Variants in WDR89 observed in about 807,000 individuals in gnomAD.
WDR89 encodes WD repeat-containing protein 89.
Under a neutral mutation model 29.1 loss-of-function variants are expected in WDR89, and 17 were observed. The ratio of observed to expected loss-of-function variants is 0.58; its 90% CI spans 0.40 to 0.88. The LOEUF (loss-of-function observed/expected upper bound fraction) is 0.88. Among genes scored for constraint, WDR89 ranks in the 40% least tolerant of loss-of-function variants. The probability of loss-of-function intolerance (pLI) is 0.00; values close to 1 mark genes in which losing one functional copy is unlikely to be tolerated. For missense variants in WDR89, 396 were observed against 456.3 expected, an observed-to-expected ratio of 0.87 and a Z score of 1.20; for synonymous variants, 138 against 157.8, an observed-to-expected ratio of 0.87 and a Z score of 0.94.
In WDR89 at chr14:63,597,341, G is replaced by C. The variant is rs571906295; in HGVS notation, c.*1438C>G. On this transcript the variant is annotated 3_prime_UTR_variant, in exon 3 of 3. Coordinates refer to ENST00000620954, the MANE Select transcript of WDR89 (RefSeq NM_080666.4). ...GGGATTACAATTCGAGATGAAATTT[G>C]GGTGAGGACACAGACAAACCATACC... The C allele has an allele frequency of 6.6e-6, 1 of 152,282 alleles. No homozygotes were observed. Among genetic ancestry groups the C allele is most frequent in the Admixed American group, 6.5e-5 (1 of 15,290 alleles). The allele number at this position is 152,282 out of a possible 1,614,324, so 9.4% of individuals were successfully genotyped here.
chr14:63,624,287 C>T lies in WDR89; in HGVS notation c.-32+641G>A, dbSNP rs1205969701. Among the ~76,000 whole-genome samples, 3 of 151,796 alleles carry T rather than the reference C, an allele frequency of 2.0e-5. No individual in the cohort carries two copies. In the South Asian group the frequency reaches 6.2e-4, roughly 32 times the overall value. ...TTCAAGATCAGCCTGGGTGACATGG[C>T]AAAACCCCATCTCCATCAAAAATAC... is the stretch of plus-strand genomic sequence containing the variant. On this transcript the variant is annotated intron_variant, in intron 2 of 2. Transcript: ENST00000620954.
intron 2 of WDR89, among the ~76,000 whole-genome samples, chr14:63,602,248 C>T (rs7142943): frequency 6.6e-6 from 1 of 151,582 alleles, no homozygotes; most frequent in African/African-American, 2.4e-5. Flanking sequence ...GCCGAGGCAG[C>T]GATCACTGAG....
rs185631580 is a variant in WDR89 at position 63,624,586 on chromosome 14, T to C, written c.-32+342A>G. On this transcript the variant is annotated intron_variant, in intron 2 of 2. Coordinates refer to ENST00000620954, the MANE Select transcript of WDR89 (RefSeq NM_080666.4). ...AAATCACCATCTGATAAAGTTGCTA[T>C]ATCCAGAATATATAAAGAATTCTTG... is the stretch of plus-strand genomic sequence containing the variant. Among the ~76,000 whole-genome samples, 188 of 150,428 alleles carry C rather than the reference T, an allele frequency of 1.2e-3. 1 individual carries two copies. In the South Asian group the frequency reaches 0.016, roughly 13 times the overall value.
rs1381032697 is a variant in WDR89, at chr14:63,624,949, A to AT, written c.-54dup. ...TTACCCAGCAAGCCCACTTTTAGGT[A>AT]TTTACTCAAGAGAAATGACAACTTA... is the stretch of plus-strand genomic sequence containing the variant. On this transcript the variant is annotated 5_prime_UTR_variant, in exon 2 of 3. Coordinates refer to ENST00000620954, the MANE Select transcript of WDR89 (RefSeq NM_080666.4). The AT allele has an allele frequency of 2.0e-5, 3 of 152,210 alleles. No individual in the cohort carries two copies. Among genetic ancestry groups the AT allele is most frequent in the African/African-American group, 7.2e-5 (3 of 41,460 alleles). 9.4% of individuals were successfully genotyped at this position (152,210 alleles called of 1,614,324 possible). A position where few individuals can be genotyped will look rare whatever the true frequency, so the allele number is the denominator to read the frequency against.
At chr14:63,630,695 A>G (rs1415505971) in intron 1 of WDR89, 4 of 151,982 alleles carry the variant, frequency 2.6e-5, no homozygotes, top group African/African-American at 9.7e-5. Context: ...CTTTGGCAGC[A>G]CACATACTAA....
intron 2 of WDR89, among the ~76,000 whole-genome samples, chr14:63,616,241 G>T (rs917043366): frequency 6.6e-6 from 1 of 152,078 alleles, no homozygotes; most frequent in Non-Finnish European, 1.5e-5. Context: ...TCCCGCCTGG[G>T]TGACAGTGAG....
intron 1 of WDR89, among the ~76,000 whole-genome samples, chr14:63,640,511 C>T (rs1490713022): frequency 1.3e-5 from 2 of 151,450 alleles, no homozygotes; most frequent in African/African-American, 4.9e-5. Flanking sequence ...TTTTTTGAGA[C>T]GTTGTCTCAC....
chr14:63,620,895 C>G (rs1030713519), intron 2 of WDR89, among the ~76,000 whole-genome samples: 1 of 128,960 alleles, frequency 7.8e-6, no homozygotes, highest in Non-Finnish European at 1.5e-5. Flanking sequence ...GAGACTCCAT[C>G]TCAAAAAAAA....
At chr14:63,601,833 T>C in intron 2 of WDR89, 1 of 922,632 alleles carries the variant, frequency 1.1e-6, no homozygotes, top group Non-Finnish European at 1.8e-6. Flanking sequence ...ACTATTGAAA[T>C]GGCATCAACA....
chr14:63,628,047 G>A (rs145322898), intron 1 of WDR89, among the ~76,000 whole-genome samples: 4 of 152,248 alleles, frequency 2.6e-5, no homozygotes, highest in African/African-American at 9.6e-5. Context: ...ACCAGGCCAG[G>A]CAACATAGCG....
At chr14:63,626,345 G>T (rs1296000517) in intron 1 of WDR89, among the ~76,000 whole-genome samples, 1 of 151,928 alleles carries the variant, frequency 6.6e-6, no homozygotes, top group Non-Finnish European at 1.5e-5. Flanking sequence ...GTCATAAAAG[G>T]GAAAATTCTA....
intron 2 of WDR89, among the ~76,000 whole-genome samples, chr14:63,618,609 T>A (rs1435744625): frequency 6.6e-6 from 1 of 151,342 alleles, no homozygotes; most frequent in Admixed American, 6.6e-5. Flanking sequence ...AGAGAAAGAA[T>A]GAAATCAGAG....
At chr14:63,620,457 G>A (rs1882624638) in intron 2 of WDR89, among the ~76,000 whole-genome samples, 1 of 152,164 alleles carries the variant, frequency 6.6e-6, no homozygotes. Flanking sequence ...GTTAATCAGG[G>A]CTGGGGAGGA....
chr14:63,601,222 T>C (rs1283076343), intron 2 of WDR89, among the ~76,000 whole-genome samples: 1 of 151,972 alleles, frequency 6.6e-6, no homozygotes. Context: ...TTTGCAGTAA[T>C]TTGTTATAGC....
At chr14:63,621,476 T>C (rs1326324286) in intron 2 of WDR89, among the ~76,000 whole-genome samples, 1 of 152,044 alleles carries the variant, frequency 6.6e-6, no homozygotes, top group African/African-American at 2.4e-5. Context: ...CAGGCACCTG[T>C]AATCCCAGCT....
chr14:63,640,953 C>T (rs1884077667), intron 1 of WDR89, among the ~76,000 whole-genome samples: 1 of 149,920 alleles, frequency 6.7e-6, no homozygotes, highest in Admixed American at 6.6e-5. Context: ...CAAAAATTAG[C>T]CGGGCGTGGT....
At chr14:63,635,012 CAAA>C (rs763282507) in intron 1 of WDR89, among the ~76,000 whole-genome samples, 1 of 128,846 alleles carries the variant, frequency 7.8e-6, no homozygotes, top group African/African-American at 2.8e-5. Flanking sequence ...ACTCTGTCTC[CAAA>C]AAAAAAAAAA....
chr14:63,607,818 T>C (rs1881674975), intron 2 of WDR89, among the ~76,000 whole-genome samples: 2 of 148,744 alleles, frequency 1.3e-5, no homozygotes, highest in Admixed American at 1.3e-4. Flanking sequence ...GAGGCGGAGT[T>C]TGCAGTGAGC....
At chr14:63,601,581 G>C in intron 2 of WDR89, 1 of 1,609,564 alleles carries the variant, frequency 6.2e-7, no homozygotes, top group South Asian at 1.1e-5. Flanking sequence ...TGTTGAAACT[G>C]TAACCAAAGG....
Sources: allele counts gnomAD v4.1 joint callset (sites outside exome capture counted in the v4.1 genomes callset), GRCh38; gene constraint gnomAD v4.1.1; transcripts MANE v1.5; gene names NCBI Gene and HGNC (gene_info 2026-07-23, HGNC 2026-07-21).